The following CCDC30 variants were observed in gnomAD, a reference collection of about 807,000 sequenced individuals.
CCDC30 encodes the protein coiled-coil domain containing 30, also known as coiled-coil domain-containing protein 30.
Under a neutral mutation model 100.2 loss-of-function variants are expected in CCDC30, and 70 were observed. That is an observed-to-expected ratio of 0.70 (90% CI 0.58 to 0.85). CCDC30 has a LOEUF of 0.85. CCDC30 is among the 40% of genes least tolerant of loss of function. The probability of loss-of-function intolerance (pLI) is 0.00; values close to 1 mark genes in which losing one functional copy is unlikely to be tolerated. For synonymous variants in CCDC30, 233 were observed against 269.5 expected (o/e 0.86, Z 1.33); for missense variants, 652 against 771.2 (o/e 0.85, Z 1.83).
At chr1:42,637,551 A>G (rs549196081) in intron 12 of CCDC30, among the ~76,000 whole-genome samples, 173 bp downstream of exon 16, 1 of 152,212 alleles carries the variant, frequency 6.6e-6, no homozygotes, top group Admixed American at 6.5e-5. Flanking sequence ...CCAAAAGTAC[A>G]TAAGACTCCT....
At chr1:42,466,614 A>T (rs1422929005) in intron 1 of CCDC30, among the ~76,000 whole-genome samples, 8 of 150,212 alleles carry the variant, frequency 5.3e-5, no homozygotes, top group African/African-American at 2.0e-4. Context: ...TGCAGTGTTG[A>T]GATCTCGGCT....
At chr1:42,566,592 G>A in intron 7 of CCDC30, 117 bp downstream of exon 11, 1 of 769,568 alleles carries the variant, frequency 1.3e-6, no homozygotes, top group Non-Finnish European at 2.1e-6. Flanking sequence ...TGGACAATGT[G>A]AGCTATCTGG....
chr1:42,500,053 T>C (rs1282673601), intron 6 of CCDC30, among the ~76,000 whole-genome samples: 1 of 152,188 alleles, frequency 6.6e-6, no homozygotes, highest in African/African-American at 2.4e-5. Context: ...ACAGCCTTCG[T>C]TGTCAGTAGT....
exon 7 of CCDC30, chr1:42,566,392 G>C (rs370352898): frequency 6.2e-7 from 1 of 1,613,878 alleles, no homozygotes; most frequent in African/African-American, 1.3e-5. Flanking sequence ...ATGCAACTCA[G>C]CTGAAAATGA....
chr1:42,634,263 A>AC lies in CCDC30; in HGVS notation c.1278-2974_1278-2973insC, dbSNP rs1405251260. Among the ~76,000 whole-genome samples the AC allele has an allele frequency of 3.5e-4, 52 of 150,016 alleles. 1 individual carries two copies. In the South Asian group the frequency reaches 9.2e-3, roughly 26 times the overall value. ...CAAGACTGTCTCAAAAAAAAAAAAA[A>AC]AAAAAAAAAAACAAAACATTACAGC... On this transcript the variant is annotated intron_variant, in intron 11 of 16. Coordinates refer to ENST00000668663, the Ensembl canonical transcript of CCDC30.
At chr1:42,574,499 T>C (rs1376604296) in intron 7 of CCDC30, among the ~76,000 whole-genome samples, 11 of 152,148 alleles carry the variant, frequency 7.2e-5, no homozygotes, top group Admixed American at 7.2e-4. Flanking sequence ...ATAATATTAG[T>C]TACCTTTGCC....
intron 1 of CCDC30, among the ~76,000 whole-genome samples, chr1:42,470,438 T>C (rs961631409): frequency 6.6e-6 from 1 of 152,188 alleles, no homozygotes; most frequent in South Asian, 2.1e-4. Context: ...CATAGAATTA[T>C]ATATCTAACA....
intron 7 of CCDC30, among the ~76,000 whole-genome samples, chr1:42,569,387 C>T (rs1459691623): frequency 6.6e-6 from 1 of 152,182 alleles, no homozygotes; most frequent in African/African-American, 2.4e-5. Flanking sequence ...AGCTCATCAT[C>T]GCTGGTCATT....
At chr1:42,634,780 C>T (rs1439391650) in intron 11 of CCDC30, among the ~76,000 whole-genome samples, 1 of 151,902 alleles carries the variant, frequency 6.6e-6, no homozygotes, top group Non-Finnish European at 1.5e-5. Flanking sequence ...TGATTGTTAC[C>T]ACAATCAACA....
intron 1 of CCDC30, among the ~76,000 whole-genome samples, chr1:42,475,165 T>C (rs1219253249): frequency 2.6e-5 from 4 of 152,088 alleles, no homozygotes; most frequent in Non-Finnish European, 5.9e-5. Context: ...AAACATAGTG[T>C]ATGATAATGT....
At chr1:42,560,072 CAAG>C (rs1486330872) in intron 6 of CCDC30, among the ~76,000 whole-genome samples, 1 of 152,048 alleles carries the variant, frequency 6.6e-6, no homozygotes, top group Non-Finnish European at 1.5e-5. Flanking sequence ...AAGCAGAAAT[CAAG>C]AAGTTCTTTG....
At chr1:42,539,275 C>T (rs1557836065) in intron 6 of CCDC30, 17 of 1,605,408 alleles carry the variant, frequency 1.1e-5, no homozygotes, top group Non-Finnish European at 1.4e-5. Flanking sequence ...AGCATGTGAC[C>T]TGTTACAAAG....
At chr1:42,544,471 A>G (rs753414665) in intron 6 of CCDC30, among the ~76,000 whole-genome samples, 1 of 152,218 alleles carries the variant, frequency 6.6e-6, no homozygotes, top group African/African-American at 2.4e-5. Flanking sequence ...TACTCAGGGT[A>G]GGGGCTACAA....
chr1:42,553,692 C>CACACAT (rs1553194023), intron 6 of CCDC30, among the ~76,000 whole-genome samples: 4 of 149,896 alleles, frequency 2.7e-5, no homozygotes, highest in Admixed American at 2.0e-4. Context: ...CACACACACA[C>CACACAT]GGTATACATT....
At chr1:42,546,395 AAAAAATATATATATAT>A (rs1645135826) in intron 6 of CCDC30, among the ~76,000 whole-genome samples, 2 of 11,408 alleles carry the variant, frequency 1.8e-4, no homozygotes, top group African/African-American at 4.2e-4. Flanking sequence ...CAAAAAAAAA[AAAAAATATATATATAT>A]ATATATATAT....
At chr1:42,522,951 T>C (rs1419950287) in intron 6 of CCDC30, among the ~76,000 whole-genome samples, 1 of 152,084 alleles carries the variant, frequency 6.6e-6, no homozygotes, top group Non-Finnish European at 1.5e-5. Context: ...CACCTCAGCC[T>C]CCCGAGTAGC....
intron 10 of CCDC30, among the ~76,000 whole-genome samples, chr1:42,602,413 G>C (rs1430206521): frequency 6.6e-6 from 1 of 151,946 alleles, no homozygotes. Context: ...AAAAAAAAGA[G>C]GGAGAGAGGA....
At chr1:42,543,360 C>T (rs1445278893) in intron 6 of CCDC30, among the ~76,000 whole-genome samples, 2 of 151,592 alleles carry the variant, frequency 1.3e-5, no homozygotes, top group African/African-American at 4.9e-5. Context: ...TTGTCTTTCT[C>T]ACTCACGCTG....
chr1:42,631,294 C>A (rs890790729), intron 11 of CCDC30, among the ~76,000 whole-genome samples: 26 of 152,160 alleles, frequency 1.7e-4, no homozygotes, highest in African/African-American at 6.3e-4. Flanking sequence ...TTGTTCTCTT[C>A]CCTCTTGTTC....
Sources: gnomAD v4.1 joint callset for allele counts (sites outside exome capture counted in the v4.1 genomes callset) on GRCh38, gnomAD v4.1.1 for gene constraint, MANE v1.5 for transcripts, NCBI Gene and HGNC (gene_info 2026-07-23, HGNC 2026-07-21) for gene names.